The following GUCA1C variants were observed in gnomAD, a reference collection of about 807,000 sequenced individuals.
GUCA1C encodes the protein guanylate cyclase activator 1C.
In GUCA1C, 15 loss-of-function variants were observed where a neutral mutation model predicts 16.2. The observed-to-expected ratio is 0.93, with a 90% CI of 0.62 to 1.43. The LOEUF (loss-of-function observed/expected upper bound fraction) is 1.43. Among genes scored for constraint, GUCA1C ranks in the 40% most tolerant of loss-of-function variants. The probability of loss-of-function intolerance (pLI) is 0.00; values close to 1 mark genes in which losing one functional copy is unlikely to be tolerated. For missense variants in GUCA1C, 275 were observed against 244.8 expected (o/e 1.12, Z -0.82); for synonymous variants, 78 against 85.4 (o/e 0.91, Z 0.48).
At chr3:108,948,488 G>A (rs569870753) in intron 1 of GUCA1C, among the ~76,000 whole-genome samples, 2 of 152,186 alleles carry the variant, frequency 1.3e-5, no homozygotes, top group South Asian at 4.2e-4. Flanking sequence ...GGCAGTGTGA[G>A]AACAGACTAA....
At position 108,936,550 on chromosome 3, in the gene GUCA1C, C is replaced by T. The variant is rs918394981; in HGVS notation, c.205-15965G>A. On this transcript the variant is annotated intron_variant, in intron 1 of 3. Coordinates refer to ENST00000261047, the MANE Select transcript of GUCA1C (RefSeq NM_005459.4). ...CAGGATTTAAACCCAGTCAGCCACA[C>T]TCTTAAAGGCCTTGGTTTTTGGTAC... is the stretch of plus-strand genomic sequence containing the variant. 2.6e-5 allele frequency among the ~76,000 whole-genome samples: 4 copies of T among 152,264 alleles called. No individual in the cohort carries two copies. The South Asian group carries it at 6.2e-4, about 24-fold the overall frequency.
chr3:108,912,980 TCTAA>T (rs1367867515), intron 3 of GUCA1C, among the ~76,000 whole-genome samples: 2 of 152,132 alleles, frequency 1.3e-5, no homozygotes, highest in African/African-American at 4.8e-5. Flanking sequence ...TGCTTAACCT[TCTAA>T]CTTTGATTTG....
chr3:108,915,059 G>T (rs535227317), intron 3 of GUCA1C, among the ~76,000 whole-genome samples: 1 of 152,220 alleles, frequency 6.6e-6, no homozygotes, highest in African/African-American at 2.4e-5. Flanking sequence ...TCTTTCTTGA[G>T]CAGTATACTC....
chr3:108,927,900 G>A (rs1038660791), intron 1 of GUCA1C, among the ~76,000 whole-genome samples: 5 of 152,188 alleles, frequency 3.3e-5, no homozygotes, highest in Admixed American at 6.5e-5. Flanking sequence ...TTTGTCCCAT[G>A]GGATGCTCCC....
At chr3:108,923,291 AT>A (rs1389337255) in intron 1 of GUCA1C, among the ~76,000 whole-genome samples, 57 of 152,288 alleles carry the variant, frequency 3.7e-4, no homozygotes, top group African/African-American at 1.3e-3. Context: ...TAGAATCTTT[AT>A]GGTTTCGGAT....
intron 1 of GUCA1C, among the ~76,000 whole-genome samples, chr3:108,942,158 A>C (rs1014296994): frequency 6.6e-6 from 1 of 152,234 alleles, no homozygotes. Flanking sequence ...AATGCGGATG[A>C]GAAAAATAGT....
At chr3:108,940,673 C>T (rs558730520) in intron 1 of GUCA1C, among the ~76,000 whole-genome samples, 4 of 152,316 alleles carry the variant, frequency 2.6e-5, no homozygotes, top group East Asian at 1.9e-4. Flanking sequence ...AAACACCTTT[C>T]GTTTGGAAAT....
intron 2 of GUCA1C, among the ~76,000 whole-genome samples, chr3:108,920,178 A>G (rs565371584): frequency 6.6e-6 from 1 of 152,324 alleles, no homozygotes; most frequent in Admixed American, 6.5e-5. Flanking sequence ...TTACAATATC[A>G]TATTTGTTTC....
At chr3:108,920,097 T>C (rs1274743841) in intron 2 of GUCA1C, among the ~76,000 whole-genome samples, 1 of 152,178 alleles carries the variant, frequency 6.6e-6, no homozygotes, top group Non-Finnish European at 1.5e-5. Flanking sequence ...TAAATATATA[T>C]AAACCATCTC....
At chr3:108,954,012 T>C, upstream of GUCA1C, 3 of 490,154 alleles carry the variant, frequency 6.1e-6, no homozygotes, top group South Asian at 9.9e-5. Flanking sequence ...CATAGTTTTT[T>C]GTGAAGGGAA....
chr3:108,932,924 CA>C (rs57918246), intron 1 of GUCA1C, among the ~76,000 whole-genome samples: 8,064 of 68,648 alleles, frequency 0.12, 624 homozygotes, highest in African/African-American at 0.29. Flanking sequence ...AAAAAAATCT[CA>C]AAAAAAAAAA....
upstream of GUCA1C, among the ~76,000 whole-genome samples, chr3:108,954,234 C>T (rs1378216515): frequency 6.6e-6 from 1 of 152,126 alleles, no homozygotes; most frequent in African/African-American, 2.4e-5. Flanking sequence ...ATAAAAGTTT[C>T]TGCCTTTTCA....
intron 1 of GUCA1C, among the ~76,000 whole-genome samples, chr3:108,935,351 A>AAAAAAAT (rs530078934): frequency 1.3e-5 from 2 of 152,052 alleles, no homozygotes; most frequent in African/African-American, 4.8e-5. Context: ...GAAAATTGAA[A>AAAAAAAT]AAAAAATAAA....
At chr3:108,911,209 T>A (rs1410766565) in intron 3 of GUCA1C, among the ~76,000 whole-genome samples, 1 of 152,170 alleles carries the variant, frequency 6.6e-6, no homozygotes, top group Non-Finnish European at 1.5e-5. Flanking sequence ...TCCGGTTACC[T>A]GTTGATATTC....
intron 2 of GUCA1C, 68 bp from the exon 3 acceptor site, chr3:108,916,282 C>T (rs1017083626): frequency 2.0e-6 from 3 of 1,473,888 alleles, no homozygotes; most frequent in African/African-American, 1.4e-5. Flanking sequence ...AACATTTCTG[C>T]TCCGATGTGA....
chr3:108,931,870 T>TG (rs1946670547), intron 1 of GUCA1C, among the ~76,000 whole-genome samples: 1 of 144,844 alleles, frequency 6.9e-6, no homozygotes, highest in Non-Finnish European at 1.5e-5. Context: ...TCCTTCTTTT[T>TG]TTTTTTTTTT....
intron 3 of GUCA1C, among the ~76,000 whole-genome samples, chr3:108,910,508 G>A (rs1946440628): frequency 6.6e-6 from 1 of 150,496 alleles, no homozygotes; most frequent in Admixed American, 6.6e-5. Flanking sequence ...AAAAAAAAAA[G>A]GCAAAGATTC....
chr3:108,931,517 T>G (rs1266692628), intron 1 of GUCA1C, among the ~76,000 whole-genome samples: 2 of 152,272 alleles, frequency 1.3e-5, no homozygotes. Flanking sequence ...TATTCTGTCA[T>G]GCACCCAGGC....
chr3:108,910,554 G>C (rs1946441252), intron 3 of GUCA1C, among the ~76,000 whole-genome samples: 1 of 151,894 alleles, frequency 6.6e-6, no homozygotes, highest in South Asian at 2.1e-4. Flanking sequence ...AGAGATGATA[G>C]AGCAGGGAGA....
Sources: allele counts gnomAD v4.1 joint callset (sites outside exome capture counted in the v4.1 genomes callset), GRCh38; gene constraint gnomAD v4.1.1; transcripts MANE v1.5; gene names NCBI Gene and HGNC (gene_info 2026-07-23, HGNC 2026-07-21).